DOCK5: variants seen among roughly 807,000 people sequenced by gnomAD.
DOCK5 encodes the protein dedicator of cytokinesis protein 5.
DOCK5 carries 142 observed loss-of-function variants against 251.8 expected under a neutral mutation model. The ratio of observed to expected loss-of-function variants is 0.56; its 90% CI spans 0.49 to 0.65. The LOEUF (loss-of-function observed/expected upper bound fraction) is 0.65, where lower values mean the gene tolerates loss of function less well. Among genes scored for constraint, DOCK5 ranks in the 30% least tolerant of loss-of-function variants. The pLI is 0.00. For missense variants in DOCK5, 2,111 were observed against 2,312.3 expected (o/e 0.91, Z 1.79); for synonymous variants, 842 against 835.5 (o/e 1.01, Z -0.13).
chr8:25,370,515 G>T (rs912015157), intron 34 of DOCK5, among the ~76,000 whole-genome samples: 6 of 152,006 alleles, frequency 3.9e-5, no homozygotes, highest in Non-Finnish European at 8.8e-5. Context: ...TTTGGTGTTT[G>T]TTTTTAAGAG....
chr8:25,301,567 TAAG>T (rs1804763335), intron 9 of DOCK5, among the ~76,000 whole-genome samples: 1 of 152,094 alleles, frequency 6.6e-6, no homozygotes, highest in African/African-American at 2.4e-5. Context: ...CACCCATCCT[TAAG>T]AAAACAAATA....
intron 1 of DOCK5, among the ~76,000 whole-genome samples, chr8:25,236,923 A>G (rs1802816368): frequency 6.6e-6 from 1 of 152,138 alleles, no homozygotes. Flanking sequence ...AATATTATGA[A>G]TGATATATGT....
chr8:25,377,277 A>G (rs893200811), intron 37 of DOCK5, 28 bp from the exon 38 acceptor site: 1 of 1,596,150 alleles, frequency 6.3e-7, no homozygotes, highest in Non-Finnish European at 8.5e-7. Context: ...TGTTGTATTA[A>G]CCGTGTGTCG....
At position 25,404,022 on chromosome 8, in the gene DOCK5, T is replaced by C. The variant is rs147455376; in HGVS notation, c.5093+298T>C. On this transcript the variant is annotated intron_variant, in intron 48 of 51. Transcript: ENST00000276440. ...TCTATTTTATGAATAGGTTTTATAATCACATGGCATGAAATTCCAAAAGAA... is the reference window on the plus strand; with the variant it reads ...TCTATTTTATGAATAGGTTTTATAACCACATGGCATGAAATTCCAAAAGAA... 3.5e-3 allele frequency among the ~76,000 whole-genome samples: 538 copies of C among 152,262 alleles called. 5 individuals are homozygous for C. Among genetic ancestry groups the C allele is most frequent in the South Asian group, 0.033 (157 of 4,818 alleles).
chr8:25,348,837 CAA>C (rs574264117), intron 26 of DOCK5, among the ~76,000 whole-genome samples: 19 of 115,768 alleles, frequency 1.6e-4, no homozygotes, highest in Admixed American at 1.9e-4. Flanking sequence ...GACTCTGTCT[CAA>C]AAAAAAAAAA....
At chr8:25,383,548 A>G (rs1801106812) in intron 40 of DOCK5, among the ~76,000 whole-genome samples, 1 of 152,214 alleles carries the variant, frequency 6.6e-6, no homozygotes. Context: ...TTTTAATCAC[A>G]CATGAATGTA....
intron 5 of DOCK5, among the ~76,000 whole-genome samples, chr8:25,282,596 C>T (rs1309629717): frequency 4.6e-5 from 7 of 152,204 alleles, no homozygotes; most frequent in South Asian, 4.1e-4. Context: ...TAGTGGCTCA[C>T]GCCTGTAATC....
At chr8:25,370,823 T>G (rs1303214058) in intron 34 of DOCK5, among the ~76,000 whole-genome samples, 1 of 152,104 alleles carries the variant, frequency 6.6e-6, no homozygotes, top group African/African-American at 2.4e-5. Flanking sequence ...ATTTTTATTT[T>G]TGTAGAGACA....
chr8:25,408,893 C>T lies in DOCK5; in HGVS notation c.5357C>T (p.Thr1786Ile), dbSNP rs761092383. 4.3e-6 allele frequency: 7 copies of T among 1,614,004 alleles called. No individual in the cohort carries two copies. The South Asian group carries it at 5.5e-5, about 13-fold the overall frequency. Reference sequence around the variant, plus strand: ...CACGGTTCTTCACCTCCTCAGTCAACACCCTTGAGCCCACCTCCACTCACT... The same window carrying T: ...CACGGTTCTTCACCTCCTCAGTCAATACCCTTGAGCCCACCTCCACTCACT... Reference protein sequence around the residue: ...PFHGSSPPQSTPLSPPPLTPK... With the variant: ...PFHGSSPPQSIPLSPPPLTPK... The change falls in exon 50 of 52, where the codon ACA (threonine) becomes ATA (isoleucine). Residue 1786 changes from threonine (T) to isoleucine (I), a missense_variant. Thr to Ile is a moderately conservative substitution (Grantham distance 89). This residue lies in a region of DOCK5 where 1,717 missense variants were observed against 1,892.4 expected (regional missense o/e 0.91). Coordinates refer to ENST00000276440, the MANE Select transcript of DOCK5 (RefSeq NM_024940.8).
intron 2 of DOCK5, among the ~76,000 whole-genome samples, chr8:25,265,277 C>T (rs988805976): frequency 2.6e-5 from 4 of 151,976 alleles, no homozygotes; most frequent in South Asian, 2.1e-4. Flanking sequence ...GTGGGTCTCA[C>T]GGGTGCCCAG....
At chr8:25,260,062 A>T (rs1803533278) in intron 2 of DOCK5, among the ~76,000 whole-genome samples, 1 of 151,902 alleles carries the variant, frequency 6.6e-6, no homozygotes, top group East Asian at 1.9e-4. Context: ...ACTGTCTGTA[A>T]GGAAGGATTT....
intron 5 of DOCK5, among the ~76,000 whole-genome samples, chr8:25,288,407 A>G (rs761621181): frequency 1.3e-4 from 20 of 152,202 alleles, no homozygotes; most frequent in Non-Finnish European, 5.9e-5. Context: ...GGCACAGTAT[A>G]TCAGAGAAGA....
intron 31 of DOCK5, 63 bp downstream of exon 31, chr8:25,367,033 A>G (rs1345833499): frequency 6.5e-5 from 91 of 1,406,580 alleles, no homozygotes; most frequent in Non-Finnish European, 8.0e-5. Flanking sequence ...CATTGAGAGC[A>G]ATATTTTAGG....
At position 25,343,888 on chromosome 8, in the gene DOCK5, C is replaced by T. The variant is rs574260221; in HGVS notation, c.2617+1381C>T. Among the ~76,000 whole-genome samples the T allele has an allele frequency of 1.2e-4, 18 of 152,354 alleles. No individual in the cohort carries two copies. In the South Asian group the frequency reaches 3.7e-3, roughly 32 times the overall value. On this transcript the variant is annotated intron_variant, in intron 25 of 51. Coordinates refer to ENST00000276440, the MANE Select transcript of DOCK5 (RefSeq NM_024940.8). ...CAGCATGAACTTGGCTCACTGCAAC[C>T]TCCACCTCCCAGGTTCAAGCAATTC...
chr8:25,356,517 A>G (rs1177279612), intron 27 of DOCK5, among the ~76,000 whole-genome samples: 1 of 151,754 alleles, frequency 6.6e-6, no homozygotes, highest in African/African-American at 2.4e-5. Context: ...ATACACAAAA[A>G]TTAGCCAGGC....
At chr8:25,197,993 G>A (rs924405048) in intron 1 of DOCK5, among the ~76,000 whole-genome samples, 2 of 151,942 alleles carry the variant, frequency 1.3e-5, no homozygotes, top group African/African-American at 2.4e-5. Flanking sequence ...GTCGTGATCC[G>A]CCTGCGTCGG....
intron 1 of DOCK5, among the ~76,000 whole-genome samples, chr8:25,207,450 G>T (rs1563308343): frequency 6.6e-6 from 1 of 152,186 alleles, no homozygotes; most frequent in South Asian, 2.1e-4. Flanking sequence ...CAAAGGATAG[G>T]CTGACCCTCT....
chr8:25,264,158 T>A (rs1199134425), intron 2 of DOCK5, among the ~76,000 whole-genome samples: 1 of 150,988 alleles, frequency 6.6e-6, no homozygotes, highest in African/African-American at 2.5e-5. Flanking sequence ...AGTCCAGGAG[T>A]CCGAGACCAG....
At chr8:25,312,328 G>A (rs1026839797) in intron 13 of DOCK5, among the ~76,000 whole-genome samples, 1 of 152,162 alleles carries the variant, frequency 6.6e-6, no homozygotes, top group African/African-American at 2.4e-5. Context: ...GTGACAGCAG[G>A]GTTGGCTTCT....
Sources: gnomAD v4.1 joint callset for allele counts (sites outside exome capture counted in the v4.1 genomes callset) on GRCh38, gnomAD v4.1.1 for gene constraint, gnomAD v4.1.1 regional missense constraint, MANE v1.5 for transcripts, NCBI Gene and HGNC (gene_info 2026-07-23, HGNC 2026-07-21) for gene names.